The following SOX12 variants were observed in gnomAD, a reference collection of about 807,000 sequenced individuals.
The protein encoded by SOX12 is transcription factor SOX-12.
A neutral mutation model predicts 21.5 loss-of-function variants in SOX12; 8 were observed. The ratio of observed to expected loss-of-function variants is 0.37; its 90% confidence interval spans 0.22 to 0.67. The LOEUF is 0.67. SOX12 is among the 30% of genes least tolerant of loss of function. The pLI is 0.56. For synonymous variants in SOX12, 235 were observed against 224.2 expected (o/e 1.05, Z -0.43); for missense variants, 400 against 482.6 (o/e 0.83, Z 1.60).
At position 327,715 on chromosome 20, in the gene SOX12, T is replaced by C. The variant is rs8125160; in HGVS notation, c.*843T>C. 1.2e-4 allele frequency: 20 copies of C among 167,102 alleles called. No individual in the cohort carries two copies. The highest frequency in any genetic ancestry group is 2.1e-4 in the South Asian group (1 of 4,820). The allele number at this position is 167,102 out of a possible 1,614,324, so 10.4% of individuals were successfully genotyped here. A position where few individuals can be genotyped will look rare whatever the true frequency, so the allele number is the denominator to read the frequency against. ...TACAGCCTACCTATACGTCCCTTTT[T>C]CCCCCCAACTGGGAATTGAGAGGTA... On this transcript the variant is annotated 3_prime_UTR_variant, in exon 1 of 1. Transcript: ENST00000342665.
chr20:326,608 GGAA>G lies in SOX12; in HGVS notation c.687_689del (p.Glu233del), dbSNP rs1050342387. On this transcript the variant is annotated inframe_deletion, in exon 1 of 1. Coordinates refer to ENST00000342665, the MANE Select transcript of SOX12 (RefSeq NM_006943.4). This position sits in a 1 kb window ranked among gnomAD's most constrained non-coding sequence, Gnocchi z 9.9. Reference sequence around the variant, plus strand: ...CACCGTCGGAGGACGAGGAGCCGGAGGAAGAGGAGGAGGAGGCGGCAGCGGCTG... The same window carrying G: ...CACCGTCGGAGGACGAGGAGCCGGAGGAGGAGGAGGAGGCGGCAGCGGCTG... 2.6e-6 allele frequency: 4 copies of G among 1,542,860 alleles called. No homozygotes were observed. In the African/African-American group the frequency reaches 5.5e-5, roughly 21 times the overall value.
rs1215022848 is a variant in SOX12, at chr20:326,803, C to T, written c.879C>T (p.Pro293=). ...TCGAGTTCCCGGACTACTGCACCCC[C>T]GAGGTTACCGAGATGATCGCGGGGG... The part of the protein sequence containing the change: ...SHFEFPDYCT[P]EVTEMIAGDW... Residue 293 remains proline (P), a synonymous_variant, in exon 1 of 1, where the codon CCC becomes CCT. Transcript: ENST00000342665. This position sits in a 1 kb window ranked among gnomAD's most constrained non-coding sequence, Gnocchi z 9.9. The T allele has an allele frequency of 1.2e-5, 20 of 1,613,564 alleles. No individual in the cohort carries two copies. The highest frequency in any genetic ancestry group is 5.3e-5 in the African/African-American group (4 of 74,902).
chr20:328,884 TGAA>T lies in SOX12; in HGVS notation c.*2016_*2018del, dbSNP rs1238616092. 6.0e-6 allele frequency: 1 copy of T among 167,116 alleles called. No individual in the cohort carries two copies. The highest frequency in any genetic ancestry group is 1.5e-5 in the Non-Finnish European group (1 of 68,160). 10.4% of individuals were successfully genotyped at this position (167,116 alleles called of 1,614,324 possible). A position where few individuals can be genotyped will look rare whatever the true frequency, so the allele number is the denominator to read the frequency against. ...CTATGTCAGGACTCCCTGGCCTTCA[TGAA>T]GAATAGCAAACTCATCCCTGTAGGG... On this transcript the variant is annotated 3_prime_UTR_variant, in exon 1 of 1. Transcript: ENST00000342665.
At position 326,172 on chromosome 20, in the gene SOX12, A is replaced by G. The variant is rs758686415; in HGVS notation, c.248A>G (p.Asp83Gly). The change falls in exon 1 of 1, where the codon GAC (aspartate) becomes GGC (glycine). Residue 83 changes from aspartate (D) to glycine (G), a missense_variant. Around this residue, in one of 4 missense-constraint regions of SOX12, gnomAD observed 92 missense variants for 162.0 expected, o/e 0.57. Transcript: ENST00000342665. The surrounding 1 kb of genome is among the most constrained non-coding windows in gnomAD (Gnocchi z 9.9). ...GGCCGCCGCTGGCAGCTGCTGCAGG[A>G]CTCGGAGAAGATCCCGTTCGTGCGG... ...RLGRRWQLLQ[D>G]SEKIPFVREA... The G allele has an allele frequency of 6.3e-7, 1 of 1,594,016 alleles. No homozygotes were observed.
rs1223751204 is a variant in SOX12 at position 328,439 on chromosome 20, C to G, written c.*1567C>G. On this transcript the variant is annotated 3_prime_UTR_variant, in exon 1 of 1. Transcript: ENST00000342665. ...AGGGTCTCTGCAGGTCTCTGCCCCACGCGTTCCCGTCGCTGACAAAGCCAC... is the reference window on the plus strand; with the variant it reads ...AGGGTCTCTGCAGGTCTCTGCCCCAGGCGTTCCCGTCGCTGACAAAGCCAC... 6.0e-6 allele frequency: 1 copy of G among 167,014 alleles called. No homozygotes were observed. Among genetic ancestry groups the G allele is most frequent in the African/African-American group, 2.4e-5 (1 of 41,416 alleles). 10.3% of individuals were successfully genotyped at this position (167,014 alleles called of 1,614,324 possible). A position where few individuals can be genotyped will look rare whatever the true frequency, so the allele number is the denominator to read the frequency against.
rs2122432293 is a variant in SOX12, at chr20:326,594, G to A, written c.670G>A (p.Asp224Asn). 6.5e-7 allele frequency: 1 copy of A among 1,540,522 alleles called. No individual in the cohort carries two copies. Among genetic ancestry groups the A allele is most frequent in the Non-Finnish European group, 8.7e-7 (1 of 1,143,130 alleles). ...AAAASPTPSEDEEPEEEEEEA... is the reference protein window; with the variant it reads ...AAAASPTPSENEEPEEEEEEA... The stretch of plus-strand genomic sequence containing the variant: ...CGCCGCCTCCCCGACACCGTCGGAG[G>A]ACGAGGAGCCGGAGGAAGAGGAGGA... Residue 224 changes from aspartate to asparagine, a missense_variant, in exon 1 of 1, where the codon GAC becomes AAC. Coordinates refer to ENST00000342665, the MANE Select transcript of SOX12 (RefSeq NM_006943.4). This position sits in a 1 kb window ranked among gnomAD's most constrained non-coding sequence, Gnocchi z 9.9.
Position 326,301 on chromosome 20 carries a change from C to A in SOX12, c.377C>A (p.Pro126His), listed in dbSNP as rs2013086249. The change falls in exon 1 of 1, where the codon CCC (proline) becomes CAC (histidine). Residue 126 changes from proline (P) to histidine (H), a missense_variant. Coordinates refer to ENST00000342665, the MANE Select transcript of SOX12 (RefSeq NM_006943.4). The surrounding 1 kb of genome is among the most constrained non-coding windows in gnomAD (Gnocchi z 9.9). ...GCGCCCGCCAAGGCGCGGCCCCGCC[C>A]CCCCGGTGGTAGCGGTGGCGGCAGC... ...KGAPAKARPR[P>H]PGGSGGGSRL... 7.1e-7 allele frequency: 1 copy of A among 1,409,512 alleles called. No individual in the cohort carries two copies. Among genetic ancestry groups the A allele is most frequent in the Admixed American group, 3.1e-5 (1 of 32,182 alleles). 87.3% of individuals were successfully genotyped at this position (1,409,512 alleles called of 1,614,324 possible). A position where few individuals can be genotyped will look rare whatever the true frequency, so the allele number is the denominator to read the frequency against.
chr20:326,529 G>T lies in SOX12; in HGVS notation c.605G>T (p.Arg202Leu). 1 of 1,471,196 alleles carries T rather than the reference G, an allele frequency of 6.8e-7. No homozygotes were observed. Among genetic ancestry groups the T allele is most frequent in the South Asian group, 1.4e-5 (1 of 73,068 alleles). The allele number at this position is 1,471,196 out of a possible 1,614,324, so 91.1% of individuals were successfully genotyped here. A position where few individuals can be genotyped will look rare whatever the true frequency, so the allele number is the denominator to read the frequency against. The change falls in exon 1 of 1, where the codon CGC becomes CTC. Residue 202 changes from arginine (R) to leucine (L), a missense_variant. Transcript: ENST00000342665. The surrounding 1 kb of genome is among the most constrained non-coding windows in gnomAD (Gnocchi z 9.9). ...AGRAARGQAE[R>L]AQGPSGEGAA... ...CGGGCCGCTCGGGGACAAGCGGAGC[G>T]CGCCCAAGGGCCGTCGGGCGAGGGG...
rs1337240892 is a variant in SOX12, at chr20:325,672, G to A, written c.-253G>A. ...GATTCCTCGGCCCCCGCAAAACAAT[G>A]TGTGTTGTGAGCCAGGACGCAACTT... On this transcript the variant is annotated 5_prime_UTR_variant, in exon 1 of 1. It adds an upstream start codon to the 5' untranslated region. Transcript: ENST00000342665. This position sits in a 1 kb window ranked among gnomAD's most constrained non-coding sequence, Gnocchi z 5.0. 3.2e-5 allele frequency: 5 copies of A among 154,150 alleles called. No homozygotes were observed. Among genetic ancestry groups the A allele is most frequent in the Admixed American group, 2.6e-4 (4 of 15,262 alleles). The allele number at this position is 154,150 out of a possible 1,614,324, so 9.5% of individuals were successfully genotyped here.
Position 327,496 on chromosome 20 carries a change from A to G in SOX12, c.*624A>G, listed in dbSNP as rs2013123252. ...CGGGCAAAAGCGGGGGCGAGTGTAGAGCGATCCTGGGAAATCCTTTGATCC... is the reference window on the plus strand; with the variant it reads ...CGGGCAAAAGCGGGGGCGAGTGTAGGGCGATCCTGGGAAATCCTTTGATCC... On this transcript the variant is annotated 3_prime_UTR_variant, in exon 1 of 1. Transcript: ENST00000342665. The G allele has an allele frequency of 6.0e-6, 1 of 167,794 alleles. No individual in the cohort carries two copies. The highest frequency in any genetic ancestry group is 2.4e-5 in the African/African-American group (1 of 41,448). 10.4% of individuals were successfully genotyped at this position (167,794 alleles called of 1,614,324 possible). A position where few individuals can be genotyped will look rare whatever the true frequency, so the allele number is the denominator to read the frequency against.
rs1236766461 is a variant in SOX12 at position 329,281 on chromosome 20, C to T, written c.*2409C>T. On this transcript the variant is annotated 3_prime_UTR_variant, in exon 1 of 1. Coordinates refer to ENST00000342665, the MANE Select transcript of SOX12 (RefSeq NM_006943.4). ...CGTGTGACTCTTTCCATATGTATAA[C>T]GTGGGGATAATAATAATAGCTGCTT... 1 of 167,034 alleles carries T rather than the reference C, an allele frequency of 6.0e-6. No homozygotes were observed. The highest frequency in any genetic ancestry group is 6.5e-5 in the Admixed American group (1 of 15,280). 10.3% of individuals were successfully genotyped at this position (167,034 alleles called of 1,614,324 possible).
In SOX12 at chr20:328,893, G is replaced by A. The variant is rs560259724; in HGVS notation, c.*2021G>A. The A allele has an allele frequency of 1.8e-5, 3 of 167,118 alleles. No homozygotes were observed. Among genetic ancestry groups the A allele is most frequent in the Admixed American group, 6.5e-5 (1 of 15,272 alleles). 10.4% of individuals were successfully genotyped at this position (167,118 alleles called of 1,614,324 possible). The stretch of plus-strand genomic sequence containing the variant: ...GACTCCCTGGCCTTCATGAAGAATA[G>A]CAAACTCATCCCTGTAGGGACCAGG... On this transcript the variant is annotated 3_prime_UTR_variant, in exon 1 of 1. Transcript: ENST00000342665.
chr20:326,536 A>G lies in SOX12; in HGVS notation c.612A>G (p.Gln204=), dbSNP rs1184679202. The part of the protein sequence containing the change: ...RAARGQAERA[Q]GPSGEGAAAA... ...CTCGGGGACAAGCGGAGCGCGCCCA[A>G]GGGCCGTCGGGCGAGGGGGCGGCCG... The change falls in exon 1 of 1, where the codon CAA becomes CAG. Residue 204 remains glutamine (Q), a synonymous_variant. Coordinates refer to ENST00000342665, the MANE Select transcript of SOX12 (RefSeq NM_006943.4). This position sits in a 1 kb window ranked among gnomAD's most constrained non-coding sequence, Gnocchi z 9.9. The G allele has an allele frequency of 2.0e-6, 3 of 1,496,708 alleles. No individual in the cohort carries two copies. The African/African-American group carries it at 4.3e-5, about 21-fold the overall frequency. The allele number at this position is 1,496,708 out of a possible 1,614,324, so 92.7% of individuals were successfully genotyped here.
In SOX12 at chr20:327,322, T is replaced by C. The variant is rs139428694; in HGVS notation, c.*450T>C. The C allele has an allele frequency of 0.021, 4,206 of 197,644 alleles. 60 individuals are homozygous for C. The highest frequency in any genetic ancestry group is 0.029 in the African/African-American group (1,201 of 41,312). The allele number at this position is 197,644 out of a possible 1,614,324, so 12.2% of individuals were successfully genotyped here. On this transcript the variant is annotated 3_prime_UTR_variant, in exon 1 of 1. Coordinates refer to ENST00000342665, the MANE Select transcript of SOX12 (RefSeq NM_006943.4). ...GCAACGCACGCGCCTCCTGCGCCCCTCCCTTCCCTGGGGGGAGGGGCGCAC... is the reference window on the plus strand; with the variant it reads ...GCAACGCACGCGCCTCCTGCGCCCCCCCCTTCCCTGGGGGGAGGGGCGCAC...
In SOX12 at chr20:326,876, C is replaced by G; in HGVS notation, c.*4C>G. 6.2e-7 allele frequency: 1 copy of G among 1,613,132 alleles called. No individual in the cohort carries two copies. The highest frequency in any genetic ancestry group is 1.3e-5 in the African/African-American group (1 of 75,030). On this transcript the variant is annotated 3_prime_UTR_variant, in exon 1 of 1. Coordinates refer to ENST00000342665, the MANE Select transcript of SOX12 (RefSeq NM_006943.4). The surrounding 1 kb of genome is among the most constrained non-coding windows in gnomAD (Gnocchi z 9.9). ...AGACCTGGTTTTCACCTACTGAGCC[C>G]ACCGTCAGCGGGGCGCGCACGCCCC...
Position 326,469 on chromosome 20 carries a change from C to CT in SOX12, c.545_546insT (p.Arg184AlafsTer55). 7.2e-7 allele frequency: 1 copy of CT among 1,393,826 alleles called. No individual in the cohort carries two copies. Among genetic ancestry groups the CT allele is most frequent in the East Asian group, 2.9e-5 (1 of 34,106 alleles). The allele number at this position is 1,393,826 out of a possible 1,614,324, so 86.3% of individuals were successfully genotyped here. ...CTGGAAGTGCGCCTGGTCGAGACCC[C>CT]GGGGCGGGAGCTGTGGAGGATGGTC... On this transcript the variant is annotated frameshift_variant, in exon 1 of 1. Transcript: ENST00000342665. LOFTEE classifies it high-confidence loss of function. The surrounding 1 kb of genome is among the most constrained non-coding windows in gnomAD (Gnocchi z 9.9).
rs901220376 is a variant in SOX12 at position 326,962 on chromosome 20, A to C, written c.*90A>C. On this transcript the variant is annotated 3_prime_UTR_variant, in exon 1 of 1. Transcript: ENST00000342665. This position sits in a 1 kb window ranked among gnomAD's most constrained non-coding sequence, Gnocchi z 9.9. ...GGGCCCCTCGGAGGCCGAGGCTGGC[A>C]CCCCATCTCCCGCGCAGCCTGCCCC... 43 of 1,253,952 alleles carry C rather than the reference A, an allele frequency of 3.4e-5. No individual in the cohort carries two copies. The highest frequency in any genetic ancestry group is 1.5e-4 in the Admixed American group (9 of 58,570). The allele number at this position is 1,253,952 out of a possible 1,614,324, so 77.7% of individuals were successfully genotyped here. A position where few individuals can be genotyped will look rare whatever the true frequency, so the allele number is the denominator to read the frequency against.
chr20:328,345 TCA>T lies in SOX12; in HGVS notation c.*1479_*1480del, dbSNP rs888202623. On this transcript the variant is annotated 3_prime_UTR_variant, in exon 1 of 1. Transcript: ENST00000342665. The stretch of plus-strand genomic sequence containing the variant: ...GCGTGTGTTCACCCTCCCGGGTGGC[TCA>T]CACACTCTCATTCACACACACAAAT... 1 of 157,536 alleles carries T rather than the reference TCA, an allele frequency of 6.3e-6. No individual in the cohort carries two copies. The highest frequency in any genetic ancestry group is 1.5e-5 in the Non-Finnish European group (1 of 65,992). The allele number at this position is 157,536 out of a possible 1,614,324, so 9.8% of individuals were successfully genotyped here. A position where few individuals can be genotyped will look rare whatever the true frequency, so the allele number is the denominator to read the frequency against.
At position 326,363 on chromosome 20, in the gene SOX12, G is replaced by A. The variant is rs2013089118; in HGVS notation, c.439G>A (p.Gly147Ser). The A allele has an allele frequency of 7.7e-7, 1 of 1,296,098 alleles. No individual in the cohort carries two copies. The highest frequency in any genetic ancestry group is 9.8e-7 in the Non-Finnish European group (1 of 1,023,500). 80.3% of individuals were successfully genotyped at this position (1,296,098 alleles called of 1,614,324 possible). A position where few individuals can be genotyped will look rare whatever the true frequency, so the allele number is the denominator to read the frequency against. Residue 147 changes from glycine (G) to serine (S), a missense_variant, in exon 1 of 1, where the codon GGC becomes AGC. By Grantham distance (56) the Gly-to-Ser change is moderately conservative. Around this residue, in one of 4 missense-constraint regions of SOX12, gnomAD observed 235 missense variants for 219.3 expected, o/e 1.07. Transcript: ENST00000342665. The surrounding 1 kb of genome is among the most constrained non-coding windows in gnomAD (Gnocchi z 9.9). ...KPGPQLPGRG[G>S]RRAAGGPLGG... ...CGGGCCGCAGCTGCCTGGCCGCGGG[G>A]GCCGCCGAGCAGCGGGAGGGCCTTT...
Sources: gnomAD v4.1 joint callset for allele counts on GRCh38, gnomAD v4.1.1 for gene constraint, gnomAD v4.1.1 regional missense constraint, Gnocchi (gnomAD v3.1) non-coding constraint, MANE v1.5 for transcripts, NCBI Gene and HGNC (gene_info 2026-07-23, HGNC 2026-07-21) for gene names.